Variants in REEP1 observed in about 807,000 individuals in gnomAD.
REEP1 encodes the protein receptor accessory protein 1, also known as receptor expression-enhancing protein 1.
Under a neutral mutation model 40.3 loss-of-function variants are expected in REEP1, and 22 were observed. The ratio of observed to expected loss-of-function variants is 0.55; its 90% CI spans 0.39 to 0.78. The LOEUF (loss-of-function observed/expected upper bound fraction) is 0.78, where lower values mean the gene tolerates loss of function less well. REEP1 is among the 30% of genes least tolerant of loss of function. The pLI is 0.00. For missense variants in REEP1, 280 were observed against 361.1 expected, an observed-to-expected ratio of 0.78 and a Z score of 1.82; for synonymous variants, 116 against 139.2, an observed-to-expected ratio of 0.83 and a Z score of 1.17.
chr2:86,312,762 T>C (rs2104489852), intron 1 of REEP1, among the ~76,000 whole-genome samples: 1 of 152,386 alleles, frequency 6.6e-6, no homozygotes, highest in East Asian at 1.9e-4. Flanking sequence ...AAATAATGTA[T>C]GCAGACTTTC....
intron 1 of REEP1, chr2:86,336,656 GT>G (rs1429116124): frequency 2.6e-5 from 4 of 152,614 alleles, no homozygotes; most frequent in Non-Finnish European, 1.5e-5. Context: ...ACGCCTACAG[GT>G]CCTGGGGCTT....
chr2:86,263,362 T>A (rs921239583), intron 3 of REEP1, among the ~76,000 whole-genome samples: 1 of 152,180 alleles, frequency 6.6e-6, no homozygotes, highest in African/African-American at 2.4e-5. Flanking sequence ...CCCAAGTAGC[T>A]GGGACTACAG....
intron 7 of REEP1, among the ~76,000 whole-genome samples, chr2:86,224,948 A>G (rs551293175): frequency 6.6e-6 from 1 of 152,218 alleles, no homozygotes; most frequent in Non-Finnish European, 1.5e-5. Flanking sequence ...CCAAGTGCCA[A>G]TCTCCCAGAA....
chr2:86,337,310 G>T lies in REEP1; in HGVS notation c.32+169C>A. ...CTGGGCAGCAGCCGCGTCCTGCGCC[G>T]CCCGTCCGCCCGCAGGCGTCCTCGG... On this transcript the variant is annotated intron_variant, in intron 1 of 8. Coordinates refer to ENST00000538924, the MANE Select transcript of REEP1 (RefSeq NM_001371279.1). This position sits in a 1 kb window ranked among gnomAD's most constrained non-coding sequence, Gnocchi z 5.8. The T allele has an allele frequency of 2.8e-6, 1 of 360,032 alleles. No individual in the cohort carries two copies. 22.3% of individuals were successfully genotyped at this position (360,032 alleles called of 1,614,324 possible). A position where few individuals can be genotyped will look rare whatever the true frequency, so the allele number is the denominator to read the frequency against.
At chr2:86,308,890 G>C (rs1382054250) in intron 1 of REEP1, among the ~76,000 whole-genome samples, 1 of 152,200 alleles carries the variant, frequency 6.6e-6, no homozygotes, top group African/African-American at 2.4e-5. Context: ...AGGCAGCTGG[G>C]CCTTGTAACA....
intron 1 of REEP1, among the ~76,000 whole-genome samples, chr2:86,311,851 G>A (rs1011520378): frequency 2.6e-5 from 4 of 152,098 alleles, no homozygotes; most frequent in Admixed American, 6.5e-5. Flanking sequence ...GTAAGATCCC[G>A]TTCTACCATC....
intron 6 of REEP1, among the ~76,000 whole-genome samples, chr2:86,230,515 A>G (rs1674951697): frequency 6.6e-6 from 1 of 152,186 alleles, no homozygotes; most frequent in Non-Finnish European, 1.5e-5. Flanking sequence ...CCTCCCTCGA[A>G]CCTGACCATC....
intron 5 of REEP1, 138 bp from the exon 6 acceptor site, chr2:86,232,940 C>T: frequency 1.2e-6 from 1 of 844,354 alleles, no homozygotes; most frequent in Non-Finnish European, 1.9e-6. Context: ...GGTGCCCAGA[C>T]ATAGCTGCTG....
chr2:86,283,885 G>A (rs933932306), intron 1 of REEP1, among the ~76,000 whole-genome samples: 1 of 152,156 alleles, frequency 6.6e-6, no homozygotes, highest in Non-Finnish European at 1.5e-5. Context: ...TCCAAGCCTG[G>A]CTTCTTGCGA....
At chr2:86,320,005 C>G (rs1680207986) in intron 1 of REEP1, among the ~76,000 whole-genome samples, 1 of 152,232 alleles carries the variant, frequency 6.6e-6, no homozygotes, top group Non-Finnish European at 1.5e-5. Context: ...TTTCAGACTT[C>G]TAGTCTGCAG....
intron 1 of REEP1, among the ~76,000 whole-genome samples, chr2:86,292,179 C>T (rs538033053): frequency 1.8e-4 from 27 of 152,248 alleles, no homozygotes; most frequent in African/African-American, 6.5e-4. Flanking sequence ...AACCAGTTTC[C>T]TTGAGTACAG....
At chr2:86,281,791 C>A (rs1678108444) in intron 2 of REEP1, among the ~76,000 whole-genome samples, 1 of 152,180 alleles carries the variant, frequency 6.6e-6, no homozygotes, top group African/African-American at 2.4e-5. Flanking sequence ...ACTCTAAAAC[C>A]TGTGCTCCTG....
At chr2:86,234,837 A>G (rs1453187546) in intron 5 of REEP1, among the ~76,000 whole-genome samples, 3 of 152,250 alleles carry the variant, frequency 2.0e-5, no homozygotes, top group Non-Finnish European at 4.4e-5. Context: ...AGGCTGGACC[A>G]GCCAGACACC....
Position 86,232,673 on chromosome 2 carries a change from C to A in REEP1, c.547G>T (p.Gly183Cys). 1 of 1,612,602 alleles carries A rather than the reference C, an allele frequency of 6.2e-7. No homozygotes were observed. Among genetic ancestry groups the A allele is most frequent in the Non-Finnish European group, 8.5e-7 (1 of 1,179,986 alleles). ...GCACTCCTGGACATCTTAGGCTGGC[C>A]GTGTTTGCCGCTGGCCCGCCCAGAC... ...PGSGRASGKH[G>C]QPKMSRSASE... Residue 183 changes from glycine (G) to cysteine (C), a missense_variant, in exon 6 of 9, where the codon GGC becomes TGC. Physicochemically the swap from Gly to Cys is radical, Grantham distance 159. This residue lies in a region of REEP1 where 201 missense variants were observed against 238.5 expected (regional missense o/e 0.84). Transcript: ENST00000538924.
chr2:86,294,859 T>C (rs777661803), intron 1 of REEP1, among the ~76,000 whole-genome samples: 2 of 152,128 alleles, frequency 1.3e-5, no homozygotes, highest in Non-Finnish European at 2.9e-5. Flanking sequence ...TCCAGGCCAC[T>C]GGGTTTGTCT....
intron 1 of REEP1, among the ~76,000 whole-genome samples, chr2:86,323,637 C>G (rs77979406): frequency 0.03 from 4,589 of 152,268 alleles, 118 homozygotes; most frequent in East Asian, 0.07. Flanking sequence ...CCCCCCAACC[C>G]CCATCCATGG....
At chr2:86,276,714 C>T (rs1329402180) in intron 2 of REEP1, among the ~76,000 whole-genome samples, 1 of 152,112 alleles carries the variant, frequency 6.6e-6, no homozygotes, top group African/African-American at 2.4e-5. Context: ...GGTGCAGGAA[C>T]CAAGGAAATG....
chr2:86,250,528 G>A (rs868343626), intron 5 of REEP1, among the ~76,000 whole-genome samples: 32 of 152,240 alleles, frequency 2.1e-4, no homozygotes, highest in African/African-American at 7.7e-4. Context: ...TTGATCTTGG[G>A]AAACCAAAGC....
intron 1 of REEP1, among the ~76,000 whole-genome samples, chr2:86,291,330 T>A (rs1303823052): frequency 2.0e-5 from 3 of 152,064 alleles, no homozygotes; most frequent in African/African-American, 7.2e-5. Flanking sequence ...CAGGTGACAG[T>A]ATAATTTTAG....
Sources: gnomAD v4.1 joint callset for allele counts (sites outside exome capture counted in the v4.1 genomes callset) on GRCh38, gnomAD v4.1.1 for gene constraint, gnomAD v4.1.1 regional missense constraint, Gnocchi (gnomAD v3.1) non-coding constraint, MANE v1.5 for transcripts, NCBI Gene and HGNC (gene_info 2026-07-23, HGNC 2026-07-21) for gene names.